Variants in NXPE1 observed in about 807,000 individuals in gnomAD.
NXPE1 encodes the protein neurexophilin and PC-esterase domain family member 1, also known as NXPE family member 1.
A neutral mutation model predicts 33.3 loss-of-function variants in NXPE1; 31 were observed. The observed-to-expected ratio is 0.93, with a 90% CI of 0.70 to 1.26. The LOEUF is 1.26. Among genes scored for constraint, NXPE1 ranks in the 50% most tolerant of loss-of-function variants. NXPE1 has a pLI of 0.00. For missense variants in NXPE1, 661 were observed against 655.6 expected (o/e 1.01, Z -0.09); for synonymous variants, 229 against 231.4 (o/e 0.99, Z 0.09).
chr11:114,529,415 C>T (rs1217630748), intron 6 of NXPE1: 1 of 152,186 alleles, frequency 6.6e-6, no homozygotes, highest in East Asian at 1.9e-4. Context: ...TCATTCTAAT[C>T]AACAAAGTGG....
downstream of NXPE1, among the ~76,000 whole-genome samples, chr11:114,521,084 C>T (rs1468829620): frequency 2.6e-5 from 4 of 152,142 alleles, no homozygotes; most frequent in African/African-American, 7.2e-5. Context: ...CTAATTCTGT[C>T]GTTCTTTCTG....
intron 7 of NXPE1, among the ~76,000 whole-genome samples, chr11:114,527,618 T>G (rs1040995194): frequency 6.6e-6 from 1 of 152,200 alleles, no homozygotes; most frequent in Admixed American, 6.5e-5. Flanking sequence ...TAAACACGAA[T>G]GTAGATACTA....
intron 7 of NXPE1, among the ~76,000 whole-genome samples, chr11:114,524,795 G>T (rs1413163357): frequency 6.6e-6 from 1 of 152,034 alleles, no homozygotes; most frequent in African/African-American, 2.4e-5. Flanking sequence ...TAACAAATTT[G>T]CTTATGATTA....
rs1198257048 is a variant in NXPE1 at position 114,551,130 on chromosome 11, A to G, written c.72T>C (p.Ile24=). 8 of 1,531,224 alleles carry G rather than the reference A, an allele frequency of 5.2e-6. No individual in the cohort carries two copies. In the Admixed American group the frequency reaches 1.6e-4, roughly 30 times the overall value. The allele number at this position is 1,531,224 out of a possible 1,614,324, so 94.9% of individuals were successfully genotyped here. A position where few individuals can be genotyped will look rare whatever the true frequency, so the allele number is the denominator to read the frequency against. Residue 24 remains isoleucine (I), a synonymous_variant, in exon 5 of 9, where the codon ATT becomes ATC. Coordinates refer to ENST00000534921, the Ensembl canonical transcript of NXPE1. ...TTGTGAAGTTCTGAGAAATTATAAA[A>G]ATCATCCAGGTTACTACTGAAAAAG...
At chr11:114,523,144 G>T in intron 7 of NXPE1, 53 bp from the exon 8 acceptor site, 1 of 1,314,260 alleles carries the variant, frequency 7.6e-7, no homozygotes, top group Non-Finnish European at 1.1e-6. Context: ...TAGACATCTA[G>T]CCTTCTTTCC....
At chr11:114,552,907 T>G (rs507995) in intron 1 of NXPE1, 27 bp from the exon 2 acceptor site, 462,300 of 944,496 alleles carry the variant, frequency 0.49, 118,228 homozygotes, top group African/African-American at 0.85. Flanking sequence ...GCAGCAAAAT[T>G]AATGAAATAA....
At chr11:114,522,353 G>C (rs975762989) in exon 9 of NXPE1, 15 of 1,613,946 alleles carry the variant, frequency 9.3e-6, no homozygotes, top group Non-Finnish European at 1.3e-5. Context: ...AATTTCCCGA[G>C]GGATATAATC....
intron 1 of NXPE1, among the ~76,000 whole-genome samples, chr11:114,555,100 T>C (rs1313000031): frequency 6.6e-6 from 1 of 152,112 alleles, no homozygotes; most frequent in Non-Finnish European, 1.5e-5. Context: ...ATCTCTTCAA[T>C]TTGTGGTTCT....
chr11:114,519,145 A>G (rs1397753937), downstream of NXPE1, among the ~76,000 whole-genome samples: 1 of 152,214 alleles, frequency 6.6e-6, no homozygotes, highest in Admixed American at 6.5e-5. Flanking sequence ...AGCCTTTTAT[A>G]TGACAAATGT....
At chr11:114,539,604 A>AG (rs1283009369) in intron 5 of NXPE1, among the ~76,000 whole-genome samples, 1 of 152,188 alleles carries the variant, frequency 6.6e-6, no homozygotes, top group Non-Finnish European at 1.5e-5. Flanking sequence ...AAAATTAAAA[A>AG]TTTTCTGTAT....
intron 5 of NXPE1, among the ~76,000 whole-genome samples, chr11:114,538,625 G>T (rs1249270801): frequency 1.3e-5 from 2 of 152,186 alleles, no homozygotes; most frequent in Non-Finnish European, 2.9e-5. Flanking sequence ...CGAAGGATAT[G>T]AACAGACACT....
At chr11:114,538,436 A>G (rs1207719077) in intron 5 of NXPE1, among the ~76,000 whole-genome samples, 2 of 152,194 alleles carry the variant, frequency 1.3e-5, no homozygotes, top group African/African-American at 2.4e-5. Context: ...AATGGGATCT[A>G]ATTAAACTAA....
chr11:114,534,354 C>T (rs998134702), intron 5 of NXPE1, among the ~76,000 whole-genome samples: 8 of 152,118 alleles, frequency 5.3e-5, no homozygotes, highest in South Asian at 2.1e-4. Flanking sequence ...GCAGAAAAAC[C>T]GGAAACTCTA....
At chr11:114,536,233 A>G (rs1947816757) in intron 5 of NXPE1, among the ~76,000 whole-genome samples, 2 of 152,214 alleles carry the variant, frequency 1.3e-5, no homozygotes, top group South Asian at 4.1e-4. Flanking sequence ...TTTGAAACCA[A>G]TGAGAACAAA....
chr11:114,544,460 A>G (rs1948207803), intron 5 of NXPE1, among the ~76,000 whole-genome samples: 2 of 152,248 alleles, frequency 1.3e-5, no homozygotes, highest in Non-Finnish European at 1.5e-5. Context: ...ACATAGGCAC[A>G]AAGGCAATTT....
rs1469549049 is a variant in NXPE1 at position 114,552,843 on chromosome 11, G to C, written c.-182+9C>G. Reference sequence around the variant, plus strand: ...TTTAAACTTATTCTGTAAAATACTGGGTACTTACCCAATAGGTGTCAGGTA... The same window carrying C: ...TTTAAACTTATTCTGTAAAATACTGCGTACTTACCCAATAGGTGTCAGGTA... On this transcript the variant is annotated intron_variant, in intron 2 of 8. Transcript: ENST00000534921. The C allele has an allele frequency of 8.3e-6, 8 of 968,308 alleles. No individual in the cohort carries two copies. The highest frequency in any genetic ancestry group is 1.2e-4 in the Admixed American group (2 of 16,220). 60.0% of individuals were successfully genotyped at this position (968,308 alleles called of 1,614,324 possible).
At chr11:114,540,988 A>G (rs771799810) in intron 5 of NXPE1, among the ~76,000 whole-genome samples, 6 of 151,428 alleles carry the variant, frequency 4.0e-5, no homozygotes, top group Non-Finnish European at 8.8e-5. Context: ...ATTTCTGAGT[A>G]TGAACTTTGC....
chr11:114,531,506 C>G (rs1186863217), intron 5 of NXPE1, among the ~76,000 whole-genome samples: 1 of 152,132 alleles, frequency 6.6e-6, no homozygotes, highest in Non-Finnish European at 1.5e-5. Flanking sequence ...TAAACCAGTC[C>G]TTTTTAAAGC....
intron 7 of NXPE1, among the ~76,000 whole-genome samples, chr11:114,524,922 C>G (rs909521103): frequency 1.3e-5 from 2 of 152,064 alleles, no homozygotes; most frequent in African/African-American, 4.8e-5. Context: ...ATTTTAGATG[C>G]TAATCTGCTA....
Sources: gnomAD v4.1 joint callset for allele counts (sites outside exome capture counted in the v4.1 genomes callset) on GRCh38, gnomAD v4.1.1 for gene constraint, MANE v1.5 for transcripts, NCBI Gene and HGNC (gene_info 2026-07-23, HGNC 2026-07-21) for gene names.